The following NDRG1 variants were observed in gnomAD, a reference collection of about 807,000 sequenced individuals.
NDRG1 encodes protein NDRG1.
Under a neutral mutation model 56.9 loss-of-function variants are expected in NDRG1, and 32 were observed. The ratio of observed to expected loss-of-function variants is 0.56; its 90% CI spans 0.42 to 0.76. NDRG1 has a LOEUF of 0.76. NDRG1 is among the 30% of genes least tolerant of loss of function. The pLI is 0.00. For synonymous variants in NDRG1, 211 were observed against 204.1 expected, an observed-to-expected ratio of 1.03 and a Z score of -0.29; for missense variants, 507 against 545.7, an observed-to-expected ratio of 0.93 and a Z score of 0.71.
chr8:133,264,403 G>C (rs1408188707), intron 4 of NDRG1, 144 bp downstream of exon 4: 2 of 761,544 alleles, frequency 2.6e-6, no homozygotes, highest in Non-Finnish European at 4.6e-6. Flanking sequence ...CCAGGCTGTG[G>C]CAAGAGTTCT....
At chr8:133,258,955 A>T in intron 6 of NDRG1, 1 of 623,408 alleles carries the variant, frequency 1.6e-6, no homozygotes, top group South Asian at 1.8e-5. Flanking sequence ...TATAACATTC[A>T]CGCAAGAGGA....
At chr8:133,292,841 T>C (rs1159240584) in intron 1 of NDRG1, among the ~76,000 whole-genome samples, 1 of 152,168 alleles carries the variant, frequency 6.6e-6, no homozygotes, top group Non-Finnish European at 1.5e-5. Context: ...GGGAGGGCAC[T>C]CAAGGCCCCC....
At chr8:133,268,704 G>A (rs1427563649) in intron 3 of NDRG1, among the ~76,000 whole-genome samples, 1 of 152,162 alleles carries the variant, frequency 6.6e-6, no homozygotes, top group Non-Finnish European at 1.5e-5. Context: ...GGTAGAACTA[G>A]GATTCGAACT....
chr8:133,256,705 C>T, intron 8 of NDRG1, 72 bp downstream of exon 8: 1 of 1,452,412 alleles, frequency 6.9e-7, no homozygotes, highest in Non-Finnish European at 9.6e-7. Flanking sequence ...CAGGGATCCC[C>T]CAGGCAGAGG....
intron 3 of NDRG1, among the ~76,000 whole-genome samples, chr8:133,267,183 C>A (rs1856964368): frequency 6.6e-6 from 1 of 152,196 alleles, no homozygotes; most frequent in South Asian, 2.1e-4. Flanking sequence ...CTGCCATGTT[C>A]ATCTAAACTC....
chr8:133,251,792 A>G (rs183391172), intron 9 of NDRG1, among the ~76,000 whole-genome samples: 108 of 152,360 alleles, frequency 7.1e-4, no homozygotes, highest in Non-Finnish European at 6.6e-4. Flanking sequence ...TTGCAGGTGT[A>G]ATTAATTAAG....
At chr8:133,250,678 TA>T (rs1172940905) in intron 9 of NDRG1, 135 bp from the exon 10 acceptor site, 2,010 of 636,336 alleles carry the variant, frequency 3.2e-3, no homozygotes, top group Middle Eastern at 4.5e-3. Flanking sequence ...GCGACGGACC[TA>T]AAAAAAAAAC....
At chr8:133,264,814 A>C in intron 3 of NDRG1, 162 bp from the exon 4 acceptor site, 1 of 685,166 alleles carries the variant, frequency 1.5e-6, no homozygotes, top group South Asian at 1.6e-5. Context: ...GCCAGAAGCC[A>C]CTCCAAGGAC....
rs1294468271 is a variant in NDRG1, at chr8:133,252,814, C to A, written c.594+1725G>T. On this transcript the variant is annotated intron_variant, in intron 9 of 15. Coordinates refer to ENST00000323851, the MANE Select transcript of NDRG1 (RefSeq NM_006096.4). ...TATTCCCCTCGTACACTCGCCAACT[C>A]CAGAGTGGGGACTCTATTCCCCTCG... Among the ~76,000 whole-genome samples, 3 of 151,396 alleles carry A rather than the reference C, an allele frequency of 2.0e-5. No individual in the cohort carries two copies. The East Asian group carries it at 5.8e-4, about 30-fold the overall frequency.
In NDRG1 at chr8:133,238,941, G is replaced by A; in HGVS notation, c.1122C>T (p.Ile374=). 9.5e-6 allele frequency: 15 copies of A among 1,572,558 alleles called. No individual in the cohort carries two copies. Among genetic ancestry groups the A allele is most frequent in the Non-Finnish European group, 1.3e-5 (15 of 1,159,860 alleles). ...TCCCAGCAGCACCCGAGTTGGGGGT[G>A]ATGTCCAGGTGGGCCCCCTCGCTGG... ...SHTSEGAHLD[I]TPNSGAAGNS... Residue 374 remains isoleucine (I), a synonymous_variant, in exon 16 of 16, where the codon ATC becomes ATT. Coordinates refer to ENST00000323851, the MANE Select transcript of NDRG1 (RefSeq NM_006096.4).
At chr8:133,254,434 T>G (rs764327102) in intron 9 of NDRG1, 105 bp downstream of exon 9, 8 of 1,183,386 alleles carry the variant, frequency 6.8e-6, no homozygotes, top group Non-Finnish European at 9.8e-6. Context: ...TGGCCCCCAG[T>G]TGATTGTGTC....
chr8:133,275,915 T>C (rs1023865991), intron 3 of NDRG1, among the ~76,000 whole-genome samples: 3 of 152,236 alleles, frequency 2.0e-5, no homozygotes, highest in Non-Finnish European at 4.4e-5. Flanking sequence ...GCTGAGCTAT[T>C]ATTCCAGAAT....
intron 9 of NDRG1, among the ~76,000 whole-genome samples, chr8:133,253,713 A>C (rs796254462): frequency 6.6e-6 from 1 of 152,200 alleles, no homozygotes; most frequent in African/African-American, 2.4e-5. Flanking sequence ...CTTTTTTTTA[A>C]GAGACAGGGT....
At chr8:133,279,272 G>A (rs1857643524) in intron 3 of NDRG1, among the ~76,000 whole-genome samples, 1 of 152,182 alleles carries the variant, frequency 6.6e-6, no homozygotes, top group Admixed American at 6.5e-5. Context: ...ACACCTTGGT[G>A]GTGGTATAGA....
chr8:133,271,882 A>G (rs1857210149), intron 3 of NDRG1, among the ~76,000 whole-genome samples: 1 of 151,832 alleles, frequency 6.6e-6, no homozygotes. Flanking sequence ...CGATAAAAAG[A>G]CAGCCACCCA....
Position 133,289,582 on chromosome 8 carries a change from CCAG to C in NDRG1, c.-18-5256_-18-5254del, listed in dbSNP as rs200756344. Among the ~76,000 whole-genome samples, 941 of 152,312 alleles carry C rather than the reference CCAG, an allele frequency of 6.2e-3. 2 individuals are homozygous for C. Among genetic ancestry groups the C allele is most frequent in the Non-Finnish European group, 0.01 (692 of 68,028 alleles). ...GGGGCTACACAAATACCCTTCCAGT[CCAG>C]CAGACCCAGGAGAGTCAGAGGAGAG... On this transcript the variant is annotated intron_variant, in intron 1 of 15. Coordinates refer to ENST00000323851, the MANE Select transcript of NDRG1 (RefSeq NM_006096.4).
intron 10 of NDRG1, among the ~76,000 whole-genome samples, 192 bp downstream of exon 10, chr8:133,250,248 G>C (rs1855938075): frequency 6.6e-6 from 1 of 152,172 alleles, no homozygotes; most frequent in South Asian, 2.1e-4. Flanking sequence ...TGCAAGGCGA[G>C]CTGAATGCCA....
At chr8:133,264,378 G>A (rs188174403) in intron 4 of NDRG1, among the ~76,000 whole-genome samples, 169 bp downstream of exon 4, 5 of 152,334 alleles carry the variant, frequency 3.3e-5, no homozygotes, top group South Asian at 4.1e-4. Context: ...CACATGCAGC[G>A]CATTTCTGGC....
intron 3 of NDRG1, among the ~76,000 whole-genome samples, chr8:133,276,202 C>T (rs568781478): frequency 4.6e-5 from 7 of 152,294 alleles, no homozygotes; most frequent in East Asian, 1.9e-4. Context: ...TAAGGGGCAG[C>T]GCCTTAGCCG....
Sources: gnomAD v4.1 joint callset for allele counts (sites outside exome capture counted in the v4.1 genomes callset) on GRCh38, gnomAD v4.1.1 for gene constraint, MANE v1.5 for transcripts, NCBI Gene and HGNC (gene_info 2026-07-23, HGNC 2026-07-21) for gene names.